The following DNAH9 variants were observed in gnomAD, a reference collection of about 807,000 sequenced individuals.
DNAH9 encodes dynein axonemal heavy chain 9.
Under a neutral mutation model 471.6 loss-of-function variants are expected in DNAH9, and 345 were observed. The ratio of observed to expected loss-of-function variants is 0.73; its 90% CI spans 0.67 to 0.80. The LOEUF (loss-of-function observed/expected upper bound fraction) is 0.80. Ranked by LOEUF, DNAH9 falls within the 30% of genes least tolerant of loss-of-function variation. The probability of loss-of-function intolerance (pLI) is 0.00; values close to 1 mark genes in which losing one functional copy is unlikely to be tolerated. For missense variants in DNAH9, 5,407 were observed against 5,609.2 expected, an observed-to-expected ratio of 0.96 and a Z score of 1.15; for synonymous variants, 2,093 against 2,123.6, an observed-to-expected ratio of 0.99 and a Z score of 0.40.
intron 45 of DNAH9, among the ~76,000 whole-genome samples, chr17:11,810,784 G>T (rs969640994): frequency 1.3e-5 from 2 of 152,104 alleles, no homozygotes; most frequent in African/African-American, 4.8e-5. Flanking sequence ...GAGCATGCAC[G>T]CGTAAAACTT....
intron 65 of DNAH9, among the ~76,000 whole-genome samples, chr17:11,936,056 A>G (rs1974703693): frequency 6.6e-6 from 1 of 152,200 alleles, no homozygotes; most frequent in South Asian, 2.1e-4. Context: ...AGCAAGGGTG[A>G]AATCGATTTG....
At chr17:11,812,068 C>T (rs202067848) in intron 45 of DNAH9, among the ~76,000 whole-genome samples, 4 of 108,970 alleles carry the variant, frequency 3.7e-5, no homozygotes, top group Non-Finnish European at 7.5e-5. Context: ...CATACATACA[C>T]ACATACATCC....
chr17:11,863,284 G>A (rs1971925178), intron 50 of DNAH9, among the ~76,000 whole-genome samples: 1 of 152,020 alleles, frequency 6.6e-6, no homozygotes, highest in Non-Finnish European at 1.5e-5. Context: ...ATAATCATGT[G>A]GTTTTTGTCT....
chr17:11,886,720 C>G (rs1192814861), intron 56 of DNAH9, 105 bp from the exon 57 acceptor site: 3 of 1,401,782 alleles, frequency 2.1e-6, no homozygotes, highest in South Asian at 1.5e-5. Flanking sequence ...CCTCTTCACT[C>G]CATCCCCTAA....
At chr17:11,951,097 CA>C (rs1368807894) in intron 67 of DNAH9, among the ~76,000 whole-genome samples, 1 of 152,170 alleles carries the variant, frequency 6.6e-6, no homozygotes, top group African/African-American at 2.4e-5. Context: ...CATACAACCC[CA>C]AACAATTTTG....
In DNAH9 at chr17:11,783,678, T is replaced by C. The variant is rs1371636556; in HGVS notation, c.7751T>C (p.Ile2584Thr). 1 of 1,614,036 alleles carries C rather than the reference T, an allele frequency of 6.2e-7. No homozygotes were observed. Among genetic ancestry groups the C allele is most frequent in the Admixed American group, 1.7e-5 (1 of 60,004 alleles). Reference sequence around the variant, plus strand: ...CGGAGCAAGCTGTCCCTAAAGGAGATCACAAATGTACAGTATGTTTCCTGT... The same window carrying C: ...CGGAGCAAGCTGTCCCTAAAGGAGACCACAAATGTACAGTATGTTTCCTGT... Reference protein sequence around the residue: ...YDRSKLSLKEITNVQYVSCMN... With the variant: ...YDRSKLSLKETTNVQYVSCMN... The change falls in exon 40 of 69, where the codon ATC becomes ACC. Residue 2584 changes from isoleucine to threonine, a missense_variant. Around this residue, in one of 3 missense-constraint regions of DNAH9, gnomAD observed 4,636 missense variants for 4,900.3 expected, o/e 0.95. Coordinates refer to ENST00000262442, the MANE Select transcript of DNAH9 (RefSeq NM_001372.4).
intron 14 of DNAH9, among the ~76,000 whole-genome samples, chr17:11,660,319 CTTTTTTTT>C (rs1208889792): frequency 1.0e-5 from 1 of 97,508 alleles, no homozygotes; most frequent in Non-Finnish European, 2.0e-5. Context: ...TTAAATGTTT[CTTTTTTTT>C]TTTTTTTTTT....
intron 14 of DNAH9, among the ~76,000 whole-genome samples, chr17:11,656,365 T>C (rs1021268267): frequency 7.9e-5 from 12 of 152,238 alleles, no homozygotes; most frequent in African/African-American, 2.2e-4. Flanking sequence ...TTATCTTCTT[T>C]TGAGAATTGT....
intron 52 of DNAH9, 40 bp downstream of exon 52, chr17:11,871,826 T>C (rs1261890684): frequency 2.5e-6 from 4 of 1,595,824 alleles, no homozygotes; most frequent in Non-Finnish European, 3.4e-6. Flanking sequence ...CATCAGCCTC[T>C]GGGCACCAAT....
rs1324779390 is a variant in DNAH9 at position 11,874,954 on chromosome 17, C to CA, written c.10249dup (p.Ile3417AsnfsTer16). On this transcript the variant is annotated frameshift_variant, in exon 53 of 69. Coordinates refer to ENST00000262442, the MANE Select transcript of DNAH9 (RefSeq NM_001372.4). LOFTEE classifies it high-confidence loss of function. ...TGGTGTTTCTTCTTCACCAGACTCC[C>CA]ATTCCAGTCACCCCAGCCCTGGATC... 1 of 1,612,896 alleles carries CA rather than the reference C, an allele frequency of 6.2e-7. No individual in the cohort carries two copies. The highest frequency in any genetic ancestry group is 8.5e-7 in the Non-Finnish European group (1 of 1,179,032).
chr17:11,704,540 A>G (rs2150777480), intron 25 of DNAH9, 98 bp downstream of exon 25: 2 of 1,171,094 alleles, frequency 1.7e-6, no homozygotes, highest in South Asian at 3.1e-5. Flanking sequence ...TCTGTACAGC[A>G]CTGACCAGAC....
In DNAH9 at chr17:11,885,024, T is replaced by TTCTTTTTGTCTTC. The variant is rs1972837899; in HGVS notation, c.10971+1278_10971+1290dup. On this transcript the variant is annotated intron_variant, in intron 56 of 68. Coordinates refer to ENST00000262442, the MANE Select transcript of DNAH9 (RefSeq NM_001372.4). ...TTTCTTTTTCCTTTTGTTGTTCAGT[T>TTCTTTTTGTCTTC]TCTTTTTGTCTTCTCTCTCTTTCTC... Among the ~76,000 whole-genome samples, 3 of 152,314 alleles carry TTCTTTTTGTCTTC rather than the reference T, an allele frequency of 2.0e-5. No individual in the cohort carries two copies. In the South Asian group the frequency reaches 6.2e-4, roughly 32 times the overall value.
intron 14 of DNAH9, among the ~76,000 whole-genome samples, chr17:11,659,783 T>A (rs554468313): frequency 2.1e-4 from 32 of 152,362 alleles, no homozygotes; most frequent in African/African-American, 6.5e-4. Flanking sequence ...CTCCCAGAGC[T>A]CGGGGCCTTC....
At chr17:11,897,622 CTAAT>C (rs1339047935) in intron 59 of DNAH9, among the ~76,000 whole-genome samples, 1 of 152,186 alleles carries the variant, frequency 6.6e-6, no homozygotes, top group Non-Finnish European at 1.5e-5. Context: ...TGGAGATGGA[CTAAT>C]TAACACAGGC....
At chr17:11,770,539 G>A (rs1023978690) in intron 38 of DNAH9, among the ~76,000 whole-genome samples, 6 of 152,120 alleles carry the variant, frequency 3.9e-5, no homozygotes, top group Non-Finnish European at 7.3e-5. Context: ...CCCGCCCTTC[G>A]ATGGCAGAGA....
chr17:11,668,345 T>C (rs975747348), intron 15 of DNAH9, among the ~76,000 whole-genome samples: 40 of 152,144 alleles, frequency 2.6e-4, no homozygotes, highest in Non-Finnish European at 1.5e-4. Flanking sequence ...AGAAATCAGC[T>C]GCTTCCAAGA....
chr17:11,850,111 A>G (rs1434172983), intron 49 of DNAH9, among the ~76,000 whole-genome samples: 2 of 152,198 alleles, frequency 1.3e-5, no homozygotes, highest in Non-Finnish European at 2.9e-5. Flanking sequence ...GCTGTGGGGA[A>G]AAAAGAAAAA....
Position 11,933,974 on chromosome 17 carries a change from T to C in DNAH9, c.12392T>C (p.Leu4131Pro). 1 of 1,614,136 alleles carries C rather than the reference T, an allele frequency of 6.2e-7. No individual in the cohort carries two copies. The highest frequency in any genetic ancestry group is 8.5e-7 in the Non-Finnish European group (1 of 1,180,014). Residue 4131 changes from leucine to proline, a missense_variant, in exon 65 of 69, where the codon CTG becomes CCG. This residue lies in a region of DNAH9 where 4,636 missense variants were observed against 4,900.3 expected (regional missense o/e 0.95). Coordinates refer to ENST00000262442, the MANE Select transcript of DNAH9 (RefSeq NM_001372.4). Reference protein sequence around the residue: ...DWDRRLCRTYLGEFIRPEMLE... With the variant: ...DWDRRLCRTYPGEFIRPEMLE... Reference sequence around the variant, plus strand: ...GACAGAAGACTCTGCAGAACCTACCTGGGGGAATTCATTCGACCAGAAATG... The same window carrying C: ...GACAGAAGACTCTGCAGAACCTACCCGGGGGAATTCATTCGACCAGAAATG...
intron 67 of DNAH9, among the ~76,000 whole-genome samples, chr17:11,948,898 C>G (rs2151438751): frequency 6.6e-6 from 1 of 152,312 alleles, no homozygotes; most frequent in East Asian, 1.9e-4. Flanking sequence ...GACCTGGGTG[C>G]TGCTGCCCTG....
Sources: allele counts gnomAD v4.1 joint callset (sites outside exome capture counted in the v4.1 genomes callset), GRCh38; gene constraint gnomAD v4.1.1; regional missense constraint gnomAD v4.1.1; transcripts MANE v1.5; gene names NCBI Gene and HGNC (gene_info 2026-07-23, HGNC 2026-07-21).